SCFD2: variants seen among roughly 807,000 people sequenced by gnomAD.
SCFD2 encodes the protein sec1 family domain containing 2.
Under a neutral mutation model 58.9 loss-of-function variants are expected in SCFD2, and 54 were observed. That is an observed-to-expected ratio of 0.92 (90% CI 0.74 to 1.15). The LOEUF (loss-of-function observed/expected upper bound fraction) is 1.15. SCFD2 is among the 50% of genes most tolerant of loss of function. The probability of loss-of-function intolerance (pLI) is 0.00; values close to 1 mark genes in which losing one functional copy is unlikely to be tolerated. For synonymous variants in SCFD2, 321 were observed against 335.9 expected, an observed-to-expected ratio of 0.96 and a Z score of 0.49; for missense variants, 805 against 836.6, an observed-to-expected ratio of 0.96 and a Z score of 0.47.
At chr4:53,311,942 A>T (rs1055204897) in intron 3 of SCFD2, among the ~76,000 whole-genome samples, 3 of 151,948 alleles carry the variant, frequency 2.0e-5, no homozygotes, top group African/African-American at 7.2e-5. Flanking sequence ...CCGATTCACA[A>T]TATTAATTAG....
chr4:53,346,277 C>CTTTTTTTTTTT (rs58195090), intron 2 of SCFD2, among the ~76,000 whole-genome samples: 1 of 135,258 alleles, frequency 7.4e-6, no homozygotes, highest in Non-Finnish European at 1.6e-5. Flanking sequence ...CTTTTTTTTT[C>CTTTTTTTTTTT]TTTTTTTTTT....
chr4:53,122,622 C>T lies in SCFD2; in HGVS notation c.1561+22711G>A, dbSNP rs555537742. On this transcript the variant is annotated intron_variant, in intron 5 of 8. Coordinates refer to ENST00000401642, the MANE Select transcript of SCFD2 (RefSeq NM_152540.4). ...GCAATACACGCAGACATAAAGAACTCGGACTTCGACTCCAGATGGGCCTAC... is the reference window on the plus strand; with the variant it reads ...GCAATACACGCAGACATAAAGAACTTGGACTTCGACTCCAGATGGGCCTAC... Among the ~76,000 whole-genome samples the T allele has an allele frequency of 7.9e-5, 12 of 152,304 alleles. No individual in the cohort carries two copies. The East Asian group carries it at 1.7e-3, about 22-fold the overall frequency.
chr4:53,128,925 T>C (rs1725708971), intron 5 of SCFD2, among the ~76,000 whole-genome samples: 1 of 152,192 alleles, frequency 6.6e-6, no homozygotes, highest in Admixed American at 6.5e-5. Context: ...AAGGTGGTGA[T>C]TTGTATGGAA....
At chr4:52,882,439 T>C (rs1038700797) in intron 8 of SCFD2, among the ~76,000 whole-genome samples, 2 of 152,150 alleles carry the variant, frequency 1.3e-5, no homozygotes, top group Non-Finnish European at 2.9e-5. Flanking sequence ...GTCAACTTGA[T>C]TAGATTGAAG....
At chr4:53,278,402 C>T (rs892055538) in intron 3 of SCFD2, among the ~76,000 whole-genome samples, 3 of 150,582 alleles carry the variant, frequency 2.0e-5, no homozygotes, top group African/African-American at 7.3e-5. Flanking sequence ...ATTAGCTGGG[C>T]ATGGTAGTGC....
intron 5 of SCFD2, among the ~76,000 whole-genome samples, chr4:53,025,903 T>C (rs1313424721): frequency 6.6e-6 from 1 of 152,260 alleles, no homozygotes; most frequent in African/African-American, 2.4e-5. Context: ...TCCACAGGGA[T>C]AATTTCATAT....
chr4:53,257,117 A>ACT (rs1005172795), intron 4 of SCFD2, among the ~76,000 whole-genome samples: 1 of 151,946 alleles, frequency 6.6e-6, no homozygotes, highest in Admixed American at 6.6e-5. Context: ...TAACACACAC[A>ACT]CACACACACG....
intron 5 of SCFD2, among the ~76,000 whole-genome samples, chr4:53,062,270 G>A (rs1387526432): frequency 6.6e-6 from 1 of 151,908 alleles, no homozygotes; most frequent in African/African-American, 2.4e-5. Flanking sequence ...TACTTGGGAA[G>A]CTGAAGCAGG....
intron 5 of SCFD2, among the ~76,000 whole-genome samples, chr4:53,118,751 C>T (rs1459122506): frequency 1.3e-5 from 2 of 152,092 alleles, no homozygotes; most frequent in African/African-American, 4.8e-5. Context: ...GGGATACATT[C>T]GATTCTGACT....
chr4:53,182,156 A>C (rs1447175298), intron 4 of SCFD2, among the ~76,000 whole-genome samples: 1 of 152,230 alleles, frequency 6.6e-6, no homozygotes, highest in African/African-American at 2.4e-5. Context: ...AAACTACTTT[A>C]AAGTTCATAT....
intron 5 of SCFD2, chr4:52,955,984 T>C (rs1409783049): frequency 4.4e-6 from 2 of 450,716 alleles, no homozygotes; most frequent in Non-Finnish European, 4.5e-6. Context: ...GAGATACCTA[T>C]TGCTGTGGTC....
intron 2 of SCFD2, among the ~76,000 whole-genome samples, chr4:53,325,648 C>T (rs996882593): frequency 6.6e-5 from 10 of 152,274 alleles, no homozygotes; most frequent in Admixed American, 5.9e-4. Context: ...GTAGGTAAAT[C>T]TTAAATCCCA....
At chr4:53,353,333 T>G (rs1734292369) in intron 1 of SCFD2, among the ~76,000 whole-genome samples, 1 of 152,180 alleles carries the variant, frequency 6.6e-6, no homozygotes, top group Non-Finnish European at 1.5e-5. Flanking sequence ...GGAGTGAAGC[T>G]GCAGACCTTC....
rs565751700 is a variant in SCFD2 at position 52,907,477 on chromosome 4, C to T, written c.1822G>A (p.Gly608Arg). 5 of 1,613,904 alleles carry T rather than the reference C, an allele frequency of 3.1e-6. No homozygotes were observed. The African/African-American group carries it at 4.0e-5, about 13-fold the overall frequency. The change falls in exon 7 of 9, where the codon GGA becomes AGA. Residue 608 changes from glycine (G) to arginine (R), a missense_variant. Gly to Arg is a moderately radical substitution (Grantham distance 125, BLOSUM62 -2). Transcript: ENST00000401642. ...TTTACCTTCATGAACATGCTAAATC[C>T]AGTTTTAAGGAGATCAGTGAGGCCT... is the stretch of plus-strand genomic sequence containing the variant. ...SSGLTDLLKT[G>R]FSMFMKVSRP...
chr4:53,046,975 G>A (rs1451632321), intron 5 of SCFD2, among the ~76,000 whole-genome samples: 3 of 152,092 alleles, frequency 2.0e-5, no homozygotes, highest in African/African-American at 4.8e-5. Context: ...CCCGACCAAA[G>A]CTATGTGTTT....
At chr4:52,975,758 G>C (rs1350045978) in intron 5 of SCFD2, among the ~76,000 whole-genome samples, 2 of 152,116 alleles carry the variant, frequency 1.3e-5, no homozygotes, top group Non-Finnish European at 2.9e-5. Flanking sequence ...CAATAGCAAA[G>C]ACTTGGAACC....
At chr4:53,237,388 C>G (rs7678607) in intron 4 of SCFD2, among the ~76,000 whole-genome samples, 105,715 of 148,366 alleles carry the variant, frequency 0.71, 38,006 homozygotes, top group Middle Eastern at 0.81. Context: ...GCCGGGCAGA[C>G]GGGCTCCTCA....
At chr4:52,938,641 T>C (rs1272364940) in intron 5 of SCFD2, among the ~76,000 whole-genome samples, 2 of 152,228 alleles carry the variant, frequency 1.3e-5, no homozygotes, top group African/African-American at 2.4e-5. Context: ...AAGTGCCCTA[T>C]AGCTAATAAC....
At chr4:52,951,483 GA>G (rs1720591887) in intron 5 of SCFD2, among the ~76,000 whole-genome samples, 1 of 152,190 alleles carries the variant, frequency 6.6e-6, no homozygotes, top group South Asian at 2.1e-4. Flanking sequence ...AGTACCCTTA[GA>G]AAGACTAACT....
Sources: gnomAD v4.1 joint callset for allele counts (sites outside exome capture counted in the v4.1 genomes callset) on GRCh38, gnomAD v4.1.1 for gene constraint, MANE v1.5 for transcripts, NCBI Gene and HGNC (gene_info 2026-07-23, HGNC 2026-07-21) for gene names.